The following PATJ variants were observed in gnomAD, a reference collection of about 807,000 sequenced individuals.
PATJ encodes PATJ crumbs cell polarity complex component, also known as inaD-like protein.
A neutral mutation model predicts 224.9 loss-of-function variants in PATJ; 190 were observed. The observed-to-expected ratio is 0.84, with a 90% confidence interval of 0.75 to 0.95. The LOEUF is 0.95. PATJ is among the 40% of genes least tolerant of loss of function. PATJ has a pLI of 0.00. For synonymous variants in PATJ, 769 were observed against 820.3 expected (o/e 0.94, Z 1.07); for missense variants, 2,121 against 2,270.3 (o/e 0.93, Z 1.34).
At chr1:61,863,980 A>C (rs138063235) in intron 19 of PATJ, among the ~76,000 whole-genome samples, 1 of 152,364 alleles carries the variant, frequency 6.6e-6, no homozygotes, top group East Asian at 1.9e-4. Flanking sequence ...GTTAATGTAT[A>C]ATGAACGTTT....
In PATJ at chr1:62,144,766, CAA is replaced by C. The variant is rs546610971; in HGVS notation, c.5272-3507_5272-3506del. Among the ~76,000 whole-genome samples the C allele has an allele frequency of 1.5e-3, 170 of 116,526 alleles. 5 individuals are homozygous for C. The highest frequency in any genetic ancestry group is 7.6e-3 in the Middle Eastern group (2 of 262). The allele number at this position is 116,526 out of a possible 152,430, so 76.4% of individuals were successfully genotyped here. A position where few individuals can be genotyped will look rare whatever the true frequency, so the allele number is the denominator to read the frequency against. ...TCTAAATGCTCTAGAATGTTATTTGCAAAAAAAAAAAATATATATATATATAT... is the reference window on the plus strand; with the variant it reads ...TCTAAATGCTCTAGAATGTTATTTGCAAAAAAAAAATATATATATATATAT... On this transcript the variant is annotated intron_variant, in intron 41 of 43. Transcript: ENST00000642238.
rs116063820 is a variant in PATJ, at chr1:61,877,398, A to G, written c.2959+2032A>G. On this transcript the variant is annotated intron_variant, in intron 21 of 43. Transcript: ENST00000642238. ...AGAAAATTTCCTCCATTCCTCTCCT[A>G]TAAGCATTAACTTCTGATATGGTTT... is the stretch of plus-strand genomic sequence containing the variant. 7.1e-3 allele frequency among the ~76,000 whole-genome samples: 1,071 copies of G among 151,730 alleles called. 13 individuals are homozygous for G. Among genetic ancestry groups the G allele is most frequent in the African/African-American group, 0.024 (1,009 of 41,294 alleles).
chr1:61,957,051 A>C (rs955405479), intron 27 of PATJ, among the ~76,000 whole-genome samples: 1 of 152,198 alleles, frequency 6.6e-6, no homozygotes, highest in Non-Finnish European at 1.5e-5. Flanking sequence ...CCATTAATGC[A>C]CTTACAGTGC....
chr1:61,962,077 C>A (rs543388092), intron 27 of PATJ, among the ~76,000 whole-genome samples: 1 of 151,790 alleles, frequency 6.6e-6, no homozygotes, highest in Admixed American at 6.6e-5. Context: ...TACTGGGAAA[C>A]CTTTCCTGAC....
intron 29 of PATJ, among the ~76,000 whole-genome samples, chr1:62,037,155 G>T (rs1394805742): frequency 2.0e-5 from 3 of 152,142 alleles, no homozygotes; most frequent in Non-Finnish European, 4.4e-5. Flanking sequence ...AGCATTGATT[G>T]TGAGCTTCCT....
At chr1:62,142,787 C>T (rs551812385) in intron 41 of PATJ, among the ~76,000 whole-genome samples, 11 of 152,138 alleles carry the variant, frequency 7.2e-5, no homozygotes, top group South Asian at 4.2e-4. Flanking sequence ...GGGAATTCCC[C>T]GCCTGGAGAG....
At chr1:61,961,964 C>T (rs1234369516) in intron 27 of PATJ, among the ~76,000 whole-genome samples, 1 of 130,758 alleles carries the variant, frequency 7.6e-6, no homozygotes, top group Non-Finnish European at 1.6e-5. Context: ...AATGAAACTC[C>T]GTCTTAGAAA....
chr1:61,768,494 A>AATAG (rs1646420935), intron 4 of PATJ, among the ~76,000 whole-genome samples: 1 of 151,888 alleles, frequency 6.6e-6, no homozygotes, highest in Admixed American at 6.6e-5. Context: ...TAAATAAATA[A>AATAG]ATAGATATCA....
chr1:61,894,446 G>T (rs1370023192), intron 22 of PATJ, among the ~76,000 whole-genome samples: 1 of 152,134 alleles, frequency 6.6e-6, no homozygotes, highest in Non-Finnish European at 1.5e-5. Context: ...CATGGGAGGT[G>T]ATTGGATCGT....
At chr1:61,835,567 C>T (rs1660045996) in intron 17 of PATJ, among the ~76,000 whole-genome samples, 1 of 152,118 alleles carries the variant, frequency 6.6e-6, no homozygotes, top group Non-Finnish European at 1.5e-5. Flanking sequence ...CCATGCCCTC[C>T]TAACTTTTCT....
At chr1:61,765,066 ATTTTTT>A (rs71582647) in intron 3 of PATJ, among the ~76,000 whole-genome samples, 3 of 24,018 alleles carry the variant, frequency 1.2e-4, no homozygotes, top group African/African-American at 2.8e-4. Flanking sequence ...ATTGACATTC[ATTTTTT>A]TTTTTTTTTT....
chr1:62,028,870 CTTGAGCCTGGGAGT>C (rs1430810746), intron 29 of PATJ, among the ~76,000 whole-genome samples: 3 of 152,120 alleles, frequency 2.0e-5, no homozygotes, highest in Non-Finnish European at 4.4e-5. Flanking sequence ...GGGAGGTTCG[CTTGAGCCTGGGAGT>C]TTGAGGTTTC....
intron 33 of PATJ, among the ~76,000 whole-genome samples, chr1:62,097,862 T>C (rs1409767512): frequency 6.6e-6 from 1 of 152,212 alleles, no homozygotes; most frequent in African/African-American, 2.4e-5. Context: ...GGAGGTCTTA[T>C]TCTTAGGTAG....
intron 33 of PATJ, among the ~76,000 whole-genome samples, chr1:62,102,859 CAAAA>C (rs1162014751): frequency 2.5e-3 from 118 of 47,024 alleles, no homozygotes; most frequent in South Asian, 9.9e-3. Flanking sequence ...TACCCTGTCT[CAAAA>C]AAAAAAAAAA....
chr1:61,920,581 C>G (rs761707712), intron 26 of PATJ, among the ~76,000 whole-genome samples: 1 of 152,046 alleles, frequency 6.6e-6, no homozygotes, highest in Non-Finnish European at 1.5e-5. Context: ...CCCACTATCA[C>G]TGAAACCATG....
chr1:62,117,603 T>C (rs1265777341), intron 37 of PATJ: 2 of 174,640 alleles, frequency 1.1e-5, no homozygotes, highest in Non-Finnish European at 2.3e-5. Flanking sequence ...AGTTAACTTG[T>C]GACTAGCCAC....
intron 28 of PATJ, among the ~76,000 whole-genome samples, chr1:61,994,711 C>T (rs543246669): frequency 1.9e-3 from 284 of 152,198 alleles, no homozygotes; most frequent in African/African-American, 6.6e-3. Flanking sequence ...CATGCCACCA[C>T]GCCTGGCTAA....
intron 17 of PATJ, among the ~76,000 whole-genome samples, chr1:61,845,137 T>C (rs1160356141): frequency 6.6e-6 from 1 of 152,210 alleles, no homozygotes; most frequent in African/African-American, 2.4e-5. Flanking sequence ...AAGGGGGGAC[T>C]ACTGTACTCT....
chr1:61,899,472 T>C, intron 22 of PATJ, 111 bp from the exon 23 acceptor site: 1 of 612,420 alleles, frequency 1.6e-6, no homozygotes, highest in Non-Finnish European at 2.7e-6. Flanking sequence ...AACTTAAAAA[T>C]TGAGAATCAT....
Sources: gnomAD v4.1 joint callset for allele counts (sites outside exome capture counted in the v4.1 genomes callset) on GRCh38, gnomAD v4.1.1 for gene constraint, MANE v1.5 for transcripts, NCBI Gene and HGNC (gene_info 2026-07-23, HGNC 2026-07-21) for gene names.